The following CEP192 variants were observed in gnomAD, a reference collection of about 807,000 sequenced individuals.
The protein encoded by CEP192 is centrosomal protein of 192 kDa.
A neutral mutation model predicts 271.8 loss-of-function variants in CEP192; 151 were observed. That is an observed-to-expected ratio of 0.56 (90% CI 0.49 to 0.64). The LOEUF (loss-of-function observed/expected upper bound fraction) is 0.64. Among genes scored for constraint, CEP192 ranks in the 30% least tolerant of loss-of-function variants. CEP192 has a pLI of 0.00. For synonymous variants in CEP192, 995 were observed against 1,076.5 expected (o/e 0.92, Z 1.48); for missense variants, 2,910 against 3,020.5 (o/e 0.96, Z 0.86).
intron 30 of CEP192, among the ~76,000 whole-genome samples, chr18:13,075,748 A>T (rs1296764074): frequency 6.6e-6 from 1 of 152,214 alleles, no homozygotes; most frequent in East Asian, 1.9e-4. Context: ...CAAAACAACC[A>T]TTCGAGATAC....
At chr18:13,120,698 G>C (rs1457857330) in intron 44 of CEP192, among the ~76,000 whole-genome samples, 2 of 152,176 alleles carry the variant, frequency 1.3e-5, no homozygotes. Context: ...AAGTTATTCT[G>C]ATTATGGTGA....
intron 34 of CEP192, among the ~76,000 whole-genome samples, chr18:13,093,986 C>T (rs2039271948): frequency 6.6e-6 from 1 of 152,216 alleles, no homozygotes; most frequent in South Asian, 2.1e-4. Flanking sequence ...CTAACTCTTT[C>T]TTACCAATGA....
chr18:13,012,183 A>G (rs1327710162), intron 4 of CEP192, among the ~76,000 whole-genome samples: 1 of 152,228 alleles, frequency 6.6e-6, no homozygotes, highest in Non-Finnish European at 1.5e-5. Context: ...TAATGGGTAT[A>G]GTGTTTCATT....
intron 3 of CEP192, among the ~76,000 whole-genome samples, chr18:13,006,930 T>G (rs545313112): frequency 4.6e-5 from 7 of 152,214 alleles, no homozygotes; most frequent in African/African-American, 7.2e-5. Context: ...CGTGTGTGCA[T>G]GGCTGTTGTC....
intron 27 of CEP192, among the ~76,000 whole-genome samples, chr18:13,070,798 C>T (rs1327512666): frequency 6.6e-6 from 1 of 152,230 alleles, no homozygotes; most frequent in Non-Finnish European, 1.5e-5. Flanking sequence ...TCCTCCACTC[C>T]TCCCAAATGT....
chr18:13,059,113 T>C lies in CEP192; in HGVS notation c.4289T>C (p.Phe1430Ser). Residue 1430 changes from phenylalanine to serine, a missense_variant, in exon 21 of 45, where the codon TTC becomes TCC. Phe to Ser is a radical substitution (Grantham distance 155). Coordinates refer to ENST00000506447, the MANE Select transcript of CEP192 (RefSeq NM_032142.4). ...CTTTCAACATATCGTTGTTTAGTTT[T>C]CAAGAATAAAGCCATCATAAGACCT... ...VDLSTYRCLV[F>S]KNKAIIRPHA... The C allele has an allele frequency of 6.2e-7, 1 of 1,614,024 alleles. No individual in the cohort carries two copies. Among genetic ancestry groups the C allele is most frequent in the Non-Finnish European group, 8.5e-7 (1 of 1,179,878 alleles).
At chr18:13,109,296 G>A (rs770158822) in intron 40 of CEP192, among the ~76,000 whole-genome samples, 10 of 152,196 alleles carry the variant, frequency 6.6e-5, no homozygotes, top group Non-Finnish European at 1.2e-4. Flanking sequence ...CATGGGAATA[G>A]AAAACCAAAT....
chr18:13,029,069 T>A (rs11080620), intron 9 of CEP192, among the ~76,000 whole-genome samples: 3 of 152,062 alleles, frequency 2.0e-5, no homozygotes, highest in Admixed American at 6.5e-5. Flanking sequence ...AAATGTCCAC[T>A]AACAGTACTG....
chr18:13,037,933 A>G (rs969587850), intron 12 of CEP192, among the ~76,000 whole-genome samples: 4 of 152,102 alleles, frequency 2.6e-5, no homozygotes, highest in Admixed American at 1.3e-4. Context: ...ATTTATGACA[A>G]TCTTATTTCA....
chr18:13,070,944 C>T lies in CEP192; in HGVS notation c.5175-95C>T, dbSNP rs2037978883. On this transcript the variant is annotated intron_variant, in intron 27 of 44. Transcript: ENST00000506447. ...TGGGAATATCATTGTATCCCCAGCACCCAGTTCAGTCTTTTGGACAATGGA... is the reference window on the plus strand; with the variant it reads ...TGGGAATATCATTGTATCCCCAGCATCCAGTTCAGTCTTTTGGACAATGGA... 3.1e-6 allele frequency: 3 copies of T among 970,150 alleles called. No individual in the cohort carries two copies. In the East Asian group the frequency reaches 7.2e-5, roughly 23 times the overall value. The allele number at this position is 970,150 out of a possible 1,614,324, so 60.1% of individuals were successfully genotyped here. A position where few individuals can be genotyped will look rare whatever the true frequency, so the allele number is the denominator to read the frequency against.
chr18:13,029,659 A>G lies in CEP192; in HGVS notation c.1051-4A>G, dbSNP rs757921170. 6 of 1,467,310 alleles carry G rather than the reference A, an allele frequency of 4.1e-6. 1 individual carries two copies. In the South Asian group the frequency reaches 8.4e-5, roughly 21 times the overall value. 90.9% of individuals were successfully genotyped at this position (1,467,310 alleles called of 1,614,324 possible). On this transcript the variant is annotated splice_polypyrimidine_tract_variant and splice_region_variant and intron_variant, in intron 9 of 44. Coordinates refer to ENST00000506447, the MANE Select transcript of CEP192 (RefSeq NM_032142.4). ...GTTAAAAAATCTGATTTTTTGTTTT[A>G]AAGGAATGTGCAAGTAAAGATGTTC...
chr18:13,048,890 G>A lies in CEP192; in HGVS notation c.2099G>A (p.Arg700Lys), dbSNP rs544417355. 2 of 1,607,148 alleles carry A rather than the reference G, an allele frequency of 1.2e-6. No individual in the cohort carries two copies. Among genetic ancestry groups the A allele is most frequent in the Non-Finnish European group, 1.7e-6 (2 of 1,175,910 alleles). ...TTCTTCATGAGCAACAAACCCCAAA[G>A]ATACAAAGACAAGCTACCAGATAGT... ...DTFFMSNKPQ[R>K]YKDKLPDSGD... is the part of the protein sequence containing the mutation. The change falls in exon 16 of 45, where the codon AGA (arginine) becomes AAA (lysine). Residue 700 changes from arginine to lysine, a missense_variant. By Grantham distance (26) the Arg-to-Lys change is conservative. Transcript: ENST00000506447.
intron 9 of CEP192, among the ~76,000 whole-genome samples, chr18:13,026,422 G>GT: frequency 6.6e-6 from 1 of 152,156 alleles, no homozygotes; most frequent in Admixed American, 6.5e-5. Context: ...GAGCTTCCCG[G>GT]TATGTGGCTT....
intron 21 of CEP192, among the ~76,000 whole-genome samples, chr18:13,063,635 AGTTTGCAAATATTTTCTCTC>A (rs2037527063): frequency 6.6e-6 from 1 of 151,886 alleles, no homozygotes; most frequent in Non-Finnish European, 1.5e-5. Context: ...TCAGATGGGT[AGTTTGCAAATATTTTCTCTC>A]ATTCTGTGGG....
intron 39 of CEP192, among the ~76,000 whole-genome samples, chr18:13,104,694 G>A (rs1024417771): frequency 1.3e-5 from 2 of 152,208 alleles, no homozygotes; most frequent in African/African-American, 4.8e-5. Flanking sequence ...CAGAGTCTTT[G>A]AGGAAAAGAT....
intron 2 of CEP192, 75 bp downstream of exon 2, chr18:12,999,663 C>A: frequency 1.8e-6 from 2 of 1,122,372 alleles, no homozygotes; most frequent in South Asian, 4.7e-5. Flanking sequence ...TTCTGTTTCT[C>A]AGTCAAGCTT....
chr18:13,110,632 A>G (rs2040167840), intron 40 of CEP192, among the ~76,000 whole-genome samples: 1 of 152,196 alleles, frequency 6.6e-6, no homozygotes, highest in Admixed American at 6.5e-5. Context: ...ATTGACTCAC[A>G]TTATTAACAA....
At chr18:13,088,787 T>C in intron 32 of CEP192, 1 of 269,906 alleles carries the variant, frequency 3.7e-6, no homozygotes, top group Non-Finnish European at 7.8e-6. Flanking sequence ...GGGAATTTAA[T>C]GGCGACTTGC....
chr18:13,085,987 G>A (rs2038878560), intron 30 of CEP192, among the ~76,000 whole-genome samples: 1 of 152,030 alleles, frequency 6.6e-6, no homozygotes, highest in African/African-American at 2.4e-5. Context: ...ATTACTTTGG[G>A]CAGTATGGCC....
Sources: gnomAD v4.1 joint callset for allele counts (sites outside exome capture counted in the v4.1 genomes callset) on GRCh38, gnomAD v4.1.1 for gene constraint, MANE v1.5 for transcripts, NCBI Gene and HGNC (gene_info 2026-07-23, HGNC 2026-07-21) for gene names.